PPM1E: variants seen among roughly 807,000 people sequenced by gnomAD.
The protein encoded by PPM1E is protein phosphatase 1E.
PPM1E carries 20 observed loss-of-function variants against 65.9 expected under a neutral mutation model. That is an observed-to-expected ratio of 0.30 (90% CI 0.21 to 0.44). The LOEUF (loss-of-function observed/expected upper bound fraction) is 0.44. Ranked by LOEUF, PPM1E falls within the 20% of genes least tolerant of loss-of-function variation. The probability of loss-of-function intolerance (pLI) is 1.00; values close to 1 mark genes in which losing one functional copy is unlikely to be tolerated. For synonymous variants in PPM1E, 352 were observed against 374.9 expected, an observed-to-expected ratio of 0.94 and a Z score of 0.70; for missense variants, 713 against 953.1, an observed-to-expected ratio of 0.75 and a Z score of 3.32.
chr17:58,834,589 C>G (rs1190639284), intron 1 of PPM1E, among the ~76,000 whole-genome samples: 1 of 152,156 alleles, frequency 6.6e-6, no homozygotes, highest in Admixed American at 6.5e-5. Flanking sequence ...AGGTTTAGGT[C>G]AAGGTCCATT....
chr17:58,939,110 G>T (rs1004263376), intron 1 of PPM1E, among the ~76,000 whole-genome samples: 2 of 152,014 alleles, frequency 1.3e-5, no homozygotes, highest in African/African-American at 4.8e-5. Flanking sequence ...TAATGACTTG[G>T]ATAGTTCCCA....
chr17:58,931,066 T>TAAAAAAAAAAAAAAA (rs774968022), intron 1 of PPM1E, among the ~76,000 whole-genome samples: 2 of 83,144 alleles, frequency 2.4e-5, no homozygotes, highest in Non-Finnish European at 4.7e-5. Context: ...ATACAAAAAT[T>TAAAAAAAAAAAAAAA]AAAAAAAAAA....
chr17:58,955,488 A>G, intron 1 of PPM1E, 161 bp from the exon 2 acceptor site: 1 of 763,588 alleles, frequency 1.3e-6, no homozygotes, highest in South Asian at 1.5e-5. Context: ...ATATATATCC[A>G]GTGCCCAGAG....
chr17:58,882,680 C>T (rs866596025), intron 1 of PPM1E, among the ~76,000 whole-genome samples: 2 of 152,026 alleles, frequency 1.3e-5, no homozygotes, highest in Non-Finnish European at 2.9e-5. Flanking sequence ...TGTGAGCCAC[C>T]GAGCCTGGCC....
chr17:58,775,846 A>T (rs1025531476), intron 1 of PPM1E, among the ~76,000 whole-genome samples: 44 of 139,776 alleles, frequency 3.1e-4, no homozygotes, highest in Admixed American at 2.3e-3. Context: ...CCCGGGAAGC[A>T]GAGCTTGCAG....
rs56792876 is a variant in PPM1E at position 58,896,724 on chromosome 17, A to G, written c.465-58925A>G. Among the ~76,000 whole-genome samples, 694 of 152,352 alleles carry G rather than the reference A, an allele frequency of 4.6e-3. 16 individuals are homozygous for G. Among genetic ancestry groups the G allele is most frequent in the East Asian group, 0.032 (167 of 5,184 alleles). Reference sequence around the variant, plus strand: ...CAAGTGCTGAGGTAGACCCTGCAGCATTATCCAAAAGATCTAGCTAAGATC... The same window carrying G: ...CAAGTGCTGAGGTAGACCCTGCAGCGTTATCCAAAAGATCTAGCTAAGATC... On this transcript the variant is annotated intron_variant, in intron 1 of 6. Coordinates refer to ENST00000308249, the MANE Select transcript of PPM1E (RefSeq NM_014906.5).
chr17:58,877,002 T>C (rs1303526460), intron 1 of PPM1E, among the ~76,000 whole-genome samples: 2 of 152,248 alleles, frequency 1.3e-5, no homozygotes, highest in East Asian at 3.9e-4. Context: ...CCAGGATGGT[T>C]TCAATCTGCT....
chr17:58,809,456 G>C (rs578111987), intron 1 of PPM1E, among the ~76,000 whole-genome samples: 1 of 151,848 alleles, frequency 6.6e-6, no homozygotes, highest in African/African-American at 2.4e-5. Flanking sequence ...GCAGTGGCGC[G>C]GCTTAACTGC....
At chr17:58,849,360 T>C (rs1009378338) in intron 1 of PPM1E, among the ~76,000 whole-genome samples, 1 of 152,238 alleles carries the variant, frequency 6.6e-6, no homozygotes, top group African/African-American at 2.4e-5. Context: ...TTAATTGTGA[T>C]GTTAGGGTGT....
chr17:58,848,364 G>A (rs993437868), intron 1 of PPM1E, among the ~76,000 whole-genome samples: 1 of 152,138 alleles, frequency 6.6e-6, no homozygotes, highest in Non-Finnish European at 1.5e-5. Flanking sequence ...CTTTCAAAGG[G>A]AATTCCTCCA....
chr17:58,776,186 A>G (rs1286293270), intron 1 of PPM1E, among the ~76,000 whole-genome samples: 1 of 151,876 alleles, frequency 6.6e-6, no homozygotes, highest in Non-Finnish European at 1.5e-5. Context: ...AATTAGCCAG[A>G]CATGCTGGTG....
chr17:58,966,753 C>T (rs1252965424), intron 3 of PPM1E: 3 of 152,946 alleles, frequency 2.0e-5, no homozygotes, highest in African/African-American at 7.2e-5. Context: ...TTGCCTGTCA[C>T]TTGCCTCTTT....
At chr17:58,816,781 TA>T (rs2050426560) in intron 1 of PPM1E, among the ~76,000 whole-genome samples, 156 of 13,318 alleles carry the variant, frequency 0.012, no homozygotes, top group Non-Finnish European at 0.016. Context: ...TATATATATA[TA>T]TATATATATA....
intron 1 of PPM1E, among the ~76,000 whole-genome samples, chr17:58,882,513 C>G (rs1379677198): frequency 6.6e-6 from 1 of 152,056 alleles, no homozygotes. Flanking sequence ...GCCTCAGCCT[C>G]TCGAGTAGCT....
At chr17:58,936,045 C>G (rs1279771624) in intron 1 of PPM1E, among the ~76,000 whole-genome samples, 1 of 151,560 alleles carries the variant, frequency 6.6e-6, no homozygotes, top group Non-Finnish European at 1.5e-5. Context: ...ACCCCAAACC[C>G]AGAACTGCAG....
At chr17:58,847,067 T>G (rs1209364238) in intron 1 of PPM1E, among the ~76,000 whole-genome samples, 1 of 152,222 alleles carries the variant, frequency 6.6e-6, no homozygotes, top group Admixed American at 6.5e-5. Flanking sequence ...ATAAATGTCT[T>G]TTTTTGAGAA....
At chr17:58,945,220 C>G (rs1322799227) in intron 1 of PPM1E, among the ~76,000 whole-genome samples, 4 of 151,416 alleles carry the variant, frequency 2.6e-5, no homozygotes, top group African/African-American at 7.3e-5. Flanking sequence ...TCTCTGCTTA[C>G]TGCAACCTCC....
At chr17:58,835,266 G>T (rs146170774) in intron 1 of PPM1E, among the ~76,000 whole-genome samples, 22 of 152,202 alleles carry the variant, frequency 1.4e-4, no homozygotes, top group African/African-American at 5.1e-4. Flanking sequence ...GATTGAGTCT[G>T]GGAGGTCAAG....
At chr17:58,852,851 C>T (rs1321830571) in intron 1 of PPM1E, among the ~76,000 whole-genome samples, 1 of 152,140 alleles carries the variant, frequency 6.6e-6, no homozygotes, top group Non-Finnish European at 1.5e-5. Context: ...ATTCGCCTAC[C>T]TTGGCCTTCC....
Sources: allele counts gnomAD v4.1 joint callset (sites outside exome capture counted in the v4.1 genomes callset), GRCh38; gene constraint gnomAD v4.1.1; transcripts MANE v1.5; gene names NCBI Gene and HGNC (gene_info 2026-07-23, HGNC 2026-07-21).